SUGT1: variants seen among roughly 807,000 people sequenced by gnomAD.
SUGT1 encodes the protein protein SGT1 homolog.
SUGT1 carries 15 observed loss-of-function variants against 56.1 expected under a neutral mutation model. The ratio of observed to expected loss-of-function variants is 0.27; its 90% CI spans 0.18 to 0.41. SUGT1 has a LOEUF of 0.41. SUGT1 is among the 10% of genes least tolerant of loss of function. The probability of loss-of-function intolerance (pLI) is 1.00; values close to 1 mark genes in which losing one functional copy is unlikely to be tolerated. For missense variants in SUGT1, 347 were observed against 382.2 expected (o/e 0.91, Z 0.77); for synonymous variants, 123 against 128.6 (o/e 0.96, Z 0.30).
At chr13:52,672,160 AAAG>A (rs1962972558) in intron 10 of SUGT1, among the ~76,000 whole-genome samples, 1 of 152,180 alleles carries the variant, frequency 6.6e-6, no homozygotes, top group East Asian at 1.9e-4. Flanking sequence ...TGGAAAAGAT[AAAG>A]GAGTTTAGGA....
intron 11 of SUGT1, among the ~76,000 whole-genome samples, chr13:52,677,996 T>C (rs1481464299): frequency 1.3e-5 from 2 of 152,198 alleles, no homozygotes; most frequent in African/African-American, 2.4e-5. Context: ...GAAATTAATA[T>C]ACTTGTCAGA....
chr13:52,667,215 A>T (rs1369674368), intron 10 of SUGT1, among the ~76,000 whole-genome samples: 1 of 152,190 alleles, frequency 6.6e-6, no homozygotes, highest in African/African-American at 2.4e-5. Flanking sequence ...TGTCTTTAAG[A>T]TTTGATACTG....
In SUGT1 at chr13:52,666,313, G is replaced by A. The variant is rs576887198; in HGVS notation, c.520-499G>A. Among the ~76,000 whole-genome samples, 18 of 152,262 alleles carry A rather than the reference G, an allele frequency of 1.2e-4. No homozygotes were observed. The South Asian group carries it at 3.7e-3, about 32-fold the overall frequency. ...GCTGTTGTCGAATTCCTGACCTCAA[G>A]TGATCTACCCATCTCAGCCTCCCAA... On this transcript the variant is annotated intron_variant, in intron 9 of 12. Coordinates refer to ENST00000310528, the MANE Select transcript of SUGT1 (RefSeq NM_006704.5).
chr13:52,661,669 C>A, intron 5 of SUGT1: 1 of 348,136 alleles, frequency 2.9e-6, no homozygotes, highest in South Asian at 2.1e-5. Context: ...TTACCTTTTC[C>A]CCTCTTTGTG....
chr13:52,671,208 TAGTG>T (rs1351450338), intron 10 of SUGT1, among the ~76,000 whole-genome samples: 1 of 151,904 alleles, frequency 6.6e-6, no homozygotes, highest in Non-Finnish European at 1.5e-5. Flanking sequence ...GTGGTGATAA[TAGTG>T]AGATTTCTTT....
intron 3 of SUGT1, 73 bp downstream of exon 3, chr13:52,657,695 A>G (rs1962234786): frequency 7.1e-7 from 1 of 1,407,336 alleles, no homozygotes; most frequent in Non-Finnish European, 9.7e-7. Context: ...ACAAATTAAA[A>G]GTTGTCTTTG....
chr13:52,684,304 A>G (rs1415621992), intron 12 of SUGT1, among the ~76,000 whole-genome samples: 1 of 152,038 alleles, frequency 6.6e-6, no homozygotes, highest in Non-Finnish European at 1.5e-5. Flanking sequence ...GCCTTGCTAG[A>G]GGTTTAAAGG....
chr13:52,662,516 A>T, intron 5 of SUGT1, 133 bp from the exon 6 acceptor site: 2 of 700,512 alleles, frequency 2.9e-6, no homozygotes, highest in African/African-American at 1.8e-5. Flanking sequence ...AAGGTCTGTT[A>T]AGACAGGTTT....
rs556373909 is a variant in SUGT1 at position 52,699,101 on chromosome 13, G to A, written c.*11266G>A. 11 of 152,268 alleles carry A rather than the reference G, an allele frequency of 7.2e-5. 1 individual carries two copies. The East Asian group carries it at 2.1e-3, about 29-fold the overall frequency. 9.4% of individuals were successfully genotyped at this position (152,268 alleles called of 1,614,324 possible). A position where few individuals can be genotyped will look rare whatever the true frequency, so the allele number is the denominator to read the frequency against. On this transcript the variant is annotated 3_prime_UTR_variant, in exon 13 of 13. Transcript: ENST00000310528. ...CAGTAAAGTTTAGAGAAGAGGAAAA[G>A]CTACTTGGCTTGCTCCTTTGAAGGT...
chr13:52,666,367 G>A (rs549449761), intron 9 of SUGT1, among the ~76,000 whole-genome samples: 28 of 152,122 alleles, frequency 1.8e-4, no homozygotes, highest in Non-Finnish European at 3.7e-4. Flanking sequence ...ATGCACCACC[G>A]TGCCCAGCCT....
Position 52,680,154 on chromosome 13 carries a change from T to G in SUGT1, c.899T>G (p.Phe300Cys). Residue 300 changes from phenylalanine (F) to cysteine (C), a missense_variant and splice_region_variant, in exon 12 of 13, where the codon TTT becomes TGT. Transcript: ENST00000310528. ...DEVKRAMNKS[F>C]MESGGTVLST... Reference sequence around the variant, plus strand: ...GTGAAACGTGCCATGAACAAATCCTTTGTAAGAATATAAACTTAAAGAAAT... The same window carrying G: ...GTGAAACGTGCCATGAACAAATCCTGTGTAAGAATATAAACTTAAAGAAAT... 6.4e-7 allele frequency: 1 copy of G among 1,572,944 alleles called. No individual in the cohort carries two copies. The highest frequency in any genetic ancestry group is 8.6e-7 in the Non-Finnish European group (1 of 1,167,820).
intron 7 of SUGT1, among the ~76,000 whole-genome samples, chr13:52,663,626 G>A (rs1483461912): frequency 6.6e-6 from 1 of 152,140 alleles, no homozygotes; most frequent in Non-Finnish European, 1.5e-5. Context: ...ACACCACCAA[G>A]CCTGGCTAAT....
chr13:52,657,917 A>T (rs1323256910), intron 3 of SUGT1, among the ~76,000 whole-genome samples: 2 of 152,054 alleles, frequency 1.3e-5, no homozygotes, highest in African/African-American at 4.8e-5. Context: ...GCTCGTTTAA[A>T]TTTTTTTTAT....
At chr13:52,669,664 T>C (rs906575473) in intron 10 of SUGT1, among the ~76,000 whole-genome samples, 3 of 152,194 alleles carry the variant, frequency 2.0e-5, no homozygotes, top group African/African-American at 4.8e-5. Context: ...TAAAGAATTA[T>C]TATTTTTCTT....
At chr13:52,666,031 A>T (rs947915789) in intron 9 of SUGT1, among the ~76,000 whole-genome samples, 1 of 152,196 alleles carries the variant, frequency 6.6e-6, no homozygotes, top group Non-Finnish European at 1.5e-5. Flanking sequence ...AGATCTAGTT[A>T]GTTTTGTGAT....
intron 10 of SUGT1, among the ~76,000 whole-genome samples, chr13:52,672,950 ACTCTT>A: frequency 6.6e-6 from 1 of 152,146 alleles, no homozygotes; most frequent in Non-Finnish European, 1.5e-5. Flanking sequence ...ATCTGTGAAT[ACTCTT>A]TTGGGATATT....
chr13:52,682,734 C>T (rs550637805), intron 12 of SUGT1, among the ~76,000 whole-genome samples: 2 of 152,308 alleles, frequency 1.3e-5, no homozygotes, highest in South Asian at 2.1e-4. Flanking sequence ...TATGTATGTT[C>T]CTCTGTCAGT....
At chr13:52,681,615 T>G (rs1008199121) in intron 12 of SUGT1, among the ~76,000 whole-genome samples, 31 of 151,700 alleles carry the variant, frequency 2.0e-4, no homozygotes, top group Admixed American at 1.9e-3. Flanking sequence ...GCTTTGGGAG[T>G]CTGAGGCCAC....
At position 52,697,629 on chromosome 13, in the gene SUGT1, C is replaced by T. The variant is rs543158759; in HGVS notation, c.*9794C>T. On this transcript the variant is annotated 3_prime_UTR_variant, in exon 13 of 13. Transcript: ENST00000310528. ...AACCCTCTTTGATGAGGGTTGTATA[C>T]TTTATTTTTAAACAGTATCAACACC... is the stretch of plus-strand genomic sequence containing the variant. The T allele has an allele frequency of 6.6e-6, 1 of 152,108 alleles. No homozygotes were observed. Among genetic ancestry groups the T allele is most frequent in the South Asian group, 2.1e-4 (1 of 4,822 alleles). 9.4% of individuals were successfully genotyped at this position (152,108 alleles called of 1,614,324 possible).
Sources: gnomAD v4.1 joint callset for allele counts (sites outside exome capture counted in the v4.1 genomes callset) on GRCh38, gnomAD v4.1.1 for gene constraint, MANE v1.5 for transcripts, NCBI Gene and HGNC (gene_info 2026-07-23, HGNC 2026-07-21) for gene names.